CYFIP1: variants seen among roughly 807,000 people sequenced by gnomAD.
CYFIP1 encodes cytoplasmic FMR1-interacting protein 1.
A neutral mutation model predicts 163.5 loss-of-function variants in CYFIP1; 58 were observed. That is an observed-to-expected ratio of 0.35 (90% CI 0.29 to 0.44). The LOEUF is 0.44. CYFIP1 is among the 20% of genes least tolerant of loss of function. The pLI is 1.00. For synonymous variants in CYFIP1, 663 were observed against 660.7 expected, an observed-to-expected ratio of 1.00 and a Z score of -0.05; for missense variants, 1,338 against 1,653.8, an observed-to-expected ratio of 0.81 and a Z score of 3.31.
At chr15:22,980,795 C>T (rs2063461334), upstream of CYFIP1, among the ~76,000 whole-genome samples, 1 of 152,206 alleles carries the variant, frequency 6.6e-6, no homozygotes, top group Non-Finnish European at 1.5e-5. Context: ...GAGGCGCTCA[C>T]CTGCGCTCGT....
chr15:22,947,505 A>G (rs892410470), intron 1 of CYFIP1, among the ~76,000 whole-genome samples: 5 of 151,998 alleles, frequency 3.3e-5, no homozygotes, highest in Non-Finnish European at 5.9e-5. Flanking sequence ...TTATCCTTCC[A>G]CACTCGCTGA....
intron 4 of CYFIP1, 29 bp from the exon 5 acceptor site, chr15:22,944,688 A>C (rs774696435): frequency 1.3e-6 from 2 of 1,595,872 alleles, no homozygotes; most frequent in South Asian, 1.1e-5. Context: ...GGATGACATA[A>C]GAGGCTTTGA....
intron 12 of CYFIP1, among the ~76,000 whole-genome samples, chr15:22,927,449 C>T (rs1219041848): frequency 6.9e-6 from 1 of 143,974 alleles, no homozygotes; most frequent in Non-Finnish European, 1.5e-5. Context: ...CGCCATTGCA[C>T]TCCAGCCTGG....
At chr15:22,886,822 C>A (rs2059938854) in intron 23 of CYFIP1, among the ~76,000 whole-genome samples, 2 of 152,134 alleles carry the variant, frequency 1.3e-5, no homozygotes, top group South Asian at 4.1e-4. Flanking sequence ...GTGTTCAGTT[C>A]TTTTCTACTG....
In CYFIP1 at chr15:22,870,036, T is replaced by C. The variant is rs1175646631; in HGVS notation, c.3754A>G (p.Ser1252Gly). 1 of 1,600,510 alleles carries C rather than the reference T, an allele frequency of 6.2e-7. No individual in the cohort carries two copies. The highest frequency in any genetic ancestry group is 1.3e-5 in the African/African-American group (1 of 74,226). ...GAGTGCAGCGCGTGCCCTCAGCTGC[T>C]GGCGAGGGACTGGTGGATGGGCGGC... ...FQPPIHQSLA[S>G]S Residue 1252 changes from serine to glycine, a missense_variant, in exon 31 of 31, where the codon AGC becomes GGC. Ser to Gly is a moderately conservative substitution (Grantham distance 56, BLOSUM62 0). This residue lies in a region of CYFIP1 where 306 missense variants were observed against 322.1 expected (regional missense o/e 0.95). Coordinates refer to ENST00000617928, the MANE Select transcript of CYFIP1 (RefSeq NM_014608.6).
intron 9 of CYFIP1, among the ~76,000 whole-genome samples, chr15:22,936,411 C>CGAAACACTAGCCAATACAAT (rs920329206): frequency 1.3e-5 from 2 of 152,144 alleles, no homozygotes; most frequent in East Asian, 1.9e-4. Context: ...GAAACATGAA[C>CGAAACACTAGCCAATACAAT]GAAACACTAG....
At chr15:22,907,923 G>A (rs898444712) in intron 21 of CYFIP1, among the ~76,000 whole-genome samples, 4 of 152,184 alleles carry the variant, frequency 2.6e-5, no homozygotes, top group Non-Finnish European at 5.9e-5. Context: ...CAAGTCTTCC[G>A]TGACACCACT....
chr15:22,904,412 G>A (rs939097863), intron 21 of CYFIP1: 14 of 177,886 alleles, frequency 7.9e-5, no homozygotes, highest in East Asian at 4.4e-4. Flanking sequence ...TGCACTGTCC[G>A]ATGTGGCAGC....
intron 25 of CYFIP1, 32 bp from the exon 26 acceptor site, chr15:22,880,075 G>T (rs1255871363): frequency 1.9e-6 from 3 of 1,612,156 alleles, no homozygotes; most frequent in Non-Finnish European, 2.5e-6. Context: ...GGGGTTGGGG[G>T]ACTGGAGGGG....
Position 22,917,297 on chromosome 15 carries a change from G to A in CYFIP1, c.1674+491C>T, listed in dbSNP as rs138117712. On this transcript the variant is annotated intron_variant, in intron 15 of 30. Transcript: ENST00000617928. This position sits in a 1 kb window ranked among gnomAD's most constrained non-coding sequence, Gnocchi z 4.2. Reference sequence around the variant, plus strand: ...CCCCAGGACGGAGGACAGACGCAGCGGTGTGGATTAAACCGGGTGTGAAAG... The same window carrying A: ...CCCCAGGACGGAGGACAGACGCAGCAGTGTGGATTAAACCGGGTGTGAAAG... 1.2e-3 allele frequency: 1,584 copies of A among 1,352,220 alleles called. 53 individuals are homozygous for A. The Admixed American group carries it at 0.049, about 42-fold the overall frequency. 83.8% of individuals were successfully genotyped at this position (1,352,220 alleles called of 1,614,324 possible).
At chr15:22,885,397 C>T (rs941200093) in intron 23 of CYFIP1, among the ~76,000 whole-genome samples, 5 of 152,128 alleles carry the variant, frequency 3.3e-5, no homozygotes, top group Non-Finnish European at 7.4e-5. Flanking sequence ...CCTTAGTTAG[C>T]CTGCACTTTA....
At chr15:22,942,778 G>A (rs1285675846) in intron 6 of CYFIP1, among the ~76,000 whole-genome samples, 1 of 152,234 alleles carries the variant, frequency 6.6e-6, no homozygotes, top group Non-Finnish European at 1.5e-5. Flanking sequence ...CGGCACCGAG[G>A]ACTGCAGCCC....
intron 22 of CYFIP1, among the ~76,000 whole-genome samples, chr15:22,901,366 A>G (rs2060387180): frequency 6.6e-6 from 1 of 152,200 alleles, no homozygotes. Flanking sequence ...CCTACAAATT[A>G]TAACTTTTAA....
In CYFIP1 at chr15:22,868,915, C is replaced by T. The variant is rs2059338981; in HGVS notation, c.*1113G>A. On this transcript the variant is annotated 3_prime_UTR_variant, in exon 31 of 31. Coordinates refer to ENST00000617928, the MANE Select transcript of CYFIP1 (RefSeq NM_014608.6). The stretch of plus-strand genomic sequence containing the variant: ...GTAGTATTCATCTACAATAAACAGG[C>T]ATAGCATCTTTTTCCATTCAGTTAG... 9.1e-6 allele frequency: 1 copy of T among 109,292 alleles called. No homozygotes were observed. Among genetic ancestry groups the T allele is most frequent in the African/African-American group, 3.9e-5 (1 of 25,688 alleles). 6.8% of individuals were successfully genotyped at this position (109,292 alleles called of 1,614,324 possible).
At position 22,918,760 on chromosome 15, in the gene CYFIP1, G is replaced by A. The variant is rs36076508; in HGVS notation, c.1458C>T (p.Asp486=). ...IRHTVYAALQ[D]FSQVTLREPL... is the part of the protein sequence containing the mutation. The stretch of plus-strand genomic sequence containing the variant: ...GCTCCCTAAGGGTCACCTGGGAGAA[G>A]TCCTGCAGTGCGGCATAGACGGTGT... The change falls in exon 14 of 31, where the codon GAC becomes GAT. Residue 486 remains aspartate, a synonymous_variant. Coordinates refer to ENST00000617928, the MANE Select transcript of CYFIP1 (RefSeq NM_014608.6). 4.2e-5 allele frequency: 67 copies of A among 1,613,662 alleles called. No individual in the cohort carries two copies. The African/African-American group carries it at 8.4e-4, about 20-fold the overall frequency.
intron 1 of CYFIP1, chr15:22,951,307 C>T (rs1232805120): frequency 8.8e-7 from 1 of 1,136,356 alleles, no homozygotes; most frequent in Non-Finnish European, 1.1e-6. Flanking sequence ...GTAGCAGAAA[C>T]TCTCGTCCAC....
Position 22,933,823 on chromosome 15 carries a change from T to A in CYFIP1, c.971A>T (p.His324Leu). The change falls in exon 10 of 31, where the codon CAC (histidine) becomes CTC (leucine). Residue 324 changes from histidine (H) to leucine (L), a missense_variant. His to Leu is a moderately conservative substitution (Grantham distance 99). Around this residue, in one of 4 missense-constraint regions of CYFIP1, gnomAD observed 824 missense variants for 995.7 expected, o/e 0.83. Coordinates refer to ENST00000617928, the MANE Select transcript of CYFIP1 (RefSeq NM_014608.6). ...ELARYIKTSA[H>L]YEENKSRWTC... ...CTACCGAGATTTATTTTCCTCGTAG[T>A]GGGCGCTGGTCTTGATATATCTTGC... is the stretch of plus-strand genomic sequence containing the variant. 6.2e-7 allele frequency: 1 copy of A among 1,613,234 alleles called. No homozygotes were observed. Among genetic ancestry groups the A allele is most frequent in the Middle Eastern group, 1.6e-4 (1 of 6,062 alleles).
chr15:22,890,542 C>T (rs1198999678), intron 23 of CYFIP1, among the ~76,000 whole-genome samples: 1 of 152,332 alleles, frequency 6.6e-6, no homozygotes, highest in Admixed American at 6.5e-5. Context: ...TCTGGATGCC[C>T]TCCTGGGGCA....
In CYFIP1 at chr15:22,917,023, G is replaced by C. The variant is rs1390132173; in HGVS notation, c.1675-393C>G. The C allele has an allele frequency of 6.5e-7, 1 of 1,544,472 alleles. No homozygotes were observed. Among genetic ancestry groups the C allele is most frequent in the South Asian group, 1.2e-5 (1 of 83,148 alleles). On this transcript the variant is annotated intron_variant, in intron 15 of 30. Coordinates refer to ENST00000617928, the MANE Select transcript of CYFIP1 (RefSeq NM_014608.6). The surrounding 1 kb of genome is among the most constrained non-coding windows in gnomAD (Gnocchi z 4.2). ...AAGGACTCGGCCATGGTGCGCACCA[G>C]GTAGAGCTAGACACGGACAGACAGG... is the stretch of plus-strand genomic sequence containing the variant.
Sources: gnomAD v4.1 joint callset for allele counts (sites outside exome capture counted in the v4.1 genomes callset) on GRCh38, gnomAD v4.1.1 for gene constraint, gnomAD v4.1.1 regional missense constraint, Gnocchi (gnomAD v3.1) non-coding constraint, MANE v1.5 for transcripts, NCBI Gene and HGNC (gene_info 2026-07-23, HGNC 2026-07-21) for gene names.